The following VWA5B1 variants were observed in gnomAD, a reference collection of about 807,000 sequenced individuals.
VWA5B1 encodes the protein von Willebrand factor A domain-containing protein 5B1.
In VWA5B1, 115 loss-of-function variants were observed where a neutral mutation model predicts 118.2. The ratio of observed to expected loss-of-function variants is 0.97; its 90% CI spans 0.84 to 1.14. The LOEUF (loss-of-function observed/expected upper bound fraction) is 1.14. VWA5B1 is among the 50% of genes most tolerant of loss of function. VWA5B1 has a pLI of 0.00. For synonymous variants in VWA5B1, 682 were observed against 658.4 expected (o/e 1.04, Z -0.55); for missense variants, 1,596 against 1,603.8 (o/e 1.00, Z 0.08).
intron 9 of VWA5B1, 149 bp from the exon 10 acceptor site, chr1:20,330,031 C>A: frequency 2.3e-6 from 2 of 881,080 alleles, no homozygotes; most frequent in Non-Finnish European, 3.5e-6. Context: ...ACCCATTCTT[C>A]CTGTGAGTGT....
chr1:20,299,564 T>C (rs2088468390), intron 1 of VWA5B1, among the ~76,000 whole-genome samples: 1 of 152,116 alleles, frequency 6.6e-6, no homozygotes, highest in Non-Finnish European at 1.5e-5. Context: ...AAGCCCTGCC[T>C]GGCTAATTTT....
At position 20,327,999 on chromosome 1, in the gene VWA5B1, A is replaced by G. The variant is rs1379185626; in HGVS notation, c.1253A>G (p.Glu418Gly). 4.5e-6 allele frequency: 7 copies of G among 1,551,076 alleles called. No individual in the cohort carries two copies. In the East Asian group the frequency reaches 1.7e-4, roughly 38 times the overall value. Residue 418 changes from glutamate (E) to glycine (G), a missense_variant and splice_region_variant, in exon 9 of 22, where the codon GAG becomes GGG. Glu to Gly is a moderately conservative substitution (Grantham distance 98). Coordinates refer to ENST00000289815, the MANE Select transcript of VWA5B1 (RefSeq NM_001039500.3). ...SLFPSSQTYS[E>G]DSLAMACDDI... is the part of the protein sequence containing the mutation. ...TTTCCTTCCAGCCAGACCTACAGTG[A>G]GGTAATGAGGGGGCAAGGCTGGGAC...
In VWA5B1 at chr1:20,310,747, A is replaced by T. The variant is rs1251391746; in HGVS notation, c.139+7A>T. 1.1e-5 allele frequency: 17 copies of T among 1,538,242 alleles called. No individual in the cohort carries two copies. Among genetic ancestry groups the T allele is most frequent in the Non-Finnish European group, 1.5e-5 (17 of 1,141,950 alleles). On this transcript the variant is annotated splice_region_variant and intron_variant, in intron 2 of 21. Coordinates refer to ENST00000289815, the MANE Select transcript of VWA5B1 (RefSeq NM_001039500.3). ...GAAGCCCAGCCCTTCCAGGGTAAGG[A>T]CACCTGCTGGGGCCTCCCCGGGACC...
Position 20,312,798 on chromosome 1 carries a change from CCTGGGGCACCCCGTGATG to C in VWA5B1, c.140-32_140-15del, listed in dbSNP as rs1227038069. On this transcript the variant is annotated intron_variant, in intron 2 of 21. Coordinates refer to ENST00000289815, the MANE Select transcript of VWA5B1 (RefSeq NM_001039500.3). ...CCAGGCAAGGGGTGTGCAGGGTAGG[CCTGGGGCACCCCGTGATG>C]CTGGGCCCTGCTCCGACAGGCCTCT... 1 of 1,526,968 alleles carries C rather than the reference CCTGGGGCACCCCGTGATG, an allele frequency of 6.5e-7. No homozygotes were observed. The highest frequency in any genetic ancestry group is 2.5e-5 in the East Asian group (1 of 40,322). The allele number at this position is 1,526,968 out of a possible 1,614,324, so 94.6% of individuals were successfully genotyped here. A position where few individuals can be genotyped will look rare whatever the true frequency, so the allele number is the denominator to read the frequency against.
At position 20,317,511 on chromosome 1, in the gene VWA5B1, TC is replaced by T; in HGVS notation, c.564-14del. On this transcript the variant is annotated intron_variant, in intron 4 of 21. Transcript: ENST00000289815. The stretch of plus-strand genomic sequence containing the variant: ...TCCACCCTGGCTGGTCTCCTTTCCT[TC>T]CCCCGGCCCTTTTCCAGCAAAGACA... The T allele has an allele frequency of 6.5e-7, 1 of 1,549,876 alleles. No homozygotes were observed. Among genetic ancestry groups the T allele is most frequent in the Non-Finnish European group, 8.7e-7 (1 of 1,146,254 alleles).
chr1:20,310,240 G>C (rs79551248), intron 1 of VWA5B1, among the ~76,000 whole-genome samples: 1 of 152,046 alleles, frequency 6.6e-6, no homozygotes, highest in African/African-American at 2.4e-5. Context: ...TCCCCTCCCC[G>C]CGTGGTCTGT....
In VWA5B1 at chr1:20,356,621, T is replaced by C. The variant is rs2090234541; in HGVS notation, c.*2358T>C. Among the ~76,000 whole-genome samples, 1 of 152,174 alleles carries C rather than the reference T, an allele frequency of 6.6e-6. No individual in the cohort carries two copies. ...GGAGCAACCAAGAAATCCAGCAAGGTGGTGGGCATGCCACCCACTTCTCTA... is the reference window on the plus strand; with the variant it reads ...GGAGCAACCAAGAAATCCAGCAAGGCGGTGGGCATGCCACCCACTTCTCTA... On this transcript the variant is annotated 3_prime_UTR_variant, in exon 22 of 22. Transcript: ENST00000289815.
Position 20,332,887 on chromosome 1 carries a change from G to C in VWA5B1, c.1694G>C (p.Gly565Ala). 2 of 1,552,010 alleles carry C rather than the reference G, an allele frequency of 1.3e-6. No homozygotes were observed. The highest frequency in any genetic ancestry group is 2.4e-5 in the South Asian group (2 of 84,064). ...SPVSASSLFP[G>A]ERLVGYGIVC... ...GTCAGCGCCAGCTCCCTCTTCCCTGGAGAACGGCTGGTGGGGTATGGCATT... is the reference window on the plus strand; with the variant it reads ...GTCAGCGCCAGCTCCCTCTTCCCTGCAGAACGGCTGGTGGGGTATGGCATT... Residue 565 changes from glycine to alanine, a missense_variant, in exon 12 of 22, where the codon GGA becomes GCA. Transcript: ENST00000289815.
At chr1:20,322,842 G>A (rs1174098838) in intron 7 of VWA5B1, among the ~76,000 whole-genome samples, 1 of 152,180 alleles carries the variant, frequency 6.6e-6, no homozygotes, top group Admixed American at 6.5e-5. Flanking sequence ...AATTGGGGAA[G>A]CCTTTCCAAA....
intron 1 of VWA5B1, among the ~76,000 whole-genome samples, chr1:20,292,907 C>A (rs1351912586): frequency 6.6e-6 from 1 of 152,204 alleles, no homozygotes; most frequent in Non-Finnish European, 1.5e-5. Flanking sequence ...GCCAAGGCTC[C>A]TGACCTGGAA....
intron 21 of VWA5B1, among the ~76,000 whole-genome samples, chr1:20,352,963 C>T (rs1260313032): frequency 6.6e-6 from 1 of 152,106 alleles, no homozygotes; most frequent in Non-Finnish European, 1.5e-5. Context: ...GACAAGGAAC[C>T]AGGCAATTCT....
At chr1:20,341,355 C>A (rs773705098) in intron 14 of VWA5B1, among the ~76,000 whole-genome samples, 1 of 152,198 alleles carries the variant, frequency 6.6e-6, no homozygotes, top group Non-Finnish European at 1.5e-5. Context: ...AAGGGGCTTG[C>A]GCATTTTAAT....
At chr1:20,298,107 C>T (rs1042367033) in intron 1 of VWA5B1, among the ~76,000 whole-genome samples, 3 of 150,148 alleles carry the variant, frequency 2.0e-5, no homozygotes, top group Non-Finnish European at 3.0e-5. Context: ...AAGTCCTGGG[C>T]TCAGGCAATT....
In VWA5B1 at chr1:20,350,313, C is replaced by T. The variant is rs375694361; in HGVS notation, c.2953+83C>T. ...GGTCAGGAGAGTATCTTAGCACCGACAAAGTCCTCAGGGCTTCATGGAGTC... is the reference window on the plus strand; with the variant it reads ...GGTCAGGAGAGTATCTTAGCACCGATAAAGTCCTCAGGGCTTCATGGAGTC... On this transcript the variant is annotated intron_variant, in intron 19 of 21. Coordinates refer to ENST00000289815, the MANE Select transcript of VWA5B1 (RefSeq NM_001039500.3). The T allele has an allele frequency of 1.1e-5, 16 of 1,460,248 alleles. No individual in the cohort carries two copies. The African/African-American group carries it at 1.5e-4, about 14-fold the overall frequency. The allele number at this position is 1,460,248 out of a possible 1,614,324, so 90.5% of individuals were successfully genotyped here.
intron 14 of VWA5B1, among the ~76,000 whole-genome samples, chr1:20,340,168 G>A (rs2089836596): frequency 6.6e-6 from 1 of 151,046 alleles, no homozygotes; most frequent in Non-Finnish European, 1.5e-5. Flanking sequence ...GCCCCCTTAT[G>A]CATGCACACG....
Position 20,345,605 on chromosome 1 carries a change from G to C in VWA5B1, c.2764+12G>C, listed in dbSNP as rs184333925. 6.5e-7 allele frequency: 1 copy of C among 1,536,492 alleles called. No individual in the cohort carries two copies. The highest frequency in any genetic ancestry group is 8.8e-7 in the Non-Finnish European group (1 of 1,139,526). On this transcript the variant is annotated intron_variant, in intron 17 of 21. Transcript: ENST00000289815. ...GTACCCCAACTCTGGTAAGGCAGGCGAGCGGCCGGGGGCACTCCTGGGGGC... is the reference window on the plus strand; with the variant it reads ...GTACCCCAACTCTGGTAAGGCAGGCCAGCGGCCGGGGGCACTCCTGGGGGC...
chr1:20,305,129 T>C (rs780716888), intron 1 of VWA5B1, among the ~76,000 whole-genome samples: 4 of 151,722 alleles, frequency 2.6e-5, no homozygotes, highest in Non-Finnish European at 4.4e-5. Context: ...AGATATATAT[T>C]ATGTCAGATG....
intron 1 of VWA5B1, among the ~76,000 whole-genome samples, chr1:20,299,102 T>G (rs1474236753): frequency 6.6e-6 from 1 of 152,196 alleles, no homozygotes; most frequent in Non-Finnish European, 1.5e-5. Flanking sequence ...ACACATAACT[T>G]TCTTAGCACA....
At chr1:20,329,464 A>G (rs986601715) in intron 9 of VWA5B1, among the ~76,000 whole-genome samples, 1 of 151,564 alleles carries the variant, frequency 6.6e-6, no homozygotes, top group African/African-American at 2.4e-5. Flanking sequence ...ATGTACCACC[A>G]CACTTAGCTA....
Sources: allele counts gnomAD v4.1 joint callset (sites outside exome capture counted in the v4.1 genomes callset), GRCh38; gene constraint gnomAD v4.1.1; transcripts MANE v1.5; gene names NCBI Gene and HGNC (gene_info 2026-07-23, HGNC 2026-07-21).